CTNND2: variants seen among roughly 807,000 people sequenced by gnomAD.
The protein encoded by CTNND2 is catenin delta-2.
A neutral mutation model predicts 144.4 loss-of-function variants in CTNND2; 22 were observed. That is an observed-to-expected ratio of 0.15 (90% CI 0.11 to 0.22). CTNND2 has a LOEUF of 0.22. CTNND2 is among the 10% of genes least tolerant of loss of function. The pLI, the probability that CTNND2 is intolerant of heterozygous loss-of-function variation, is 1.00. For missense variants in CTNND2, 1,353 were observed against 1,618.8 expected (o/e 0.84, Z 2.82); for synonymous variants, 751 against 695.6 (o/e 1.08, Z -1.25).
At chr5:11,686,712 T>G (rs1422775491) in intron 2 of CTNND2, among the ~76,000 whole-genome samples, 1 of 150,326 alleles carries the variant, frequency 6.7e-6, no homozygotes, top group Non-Finnish European at 1.5e-5. Flanking sequence ...ATGGAAGTAA[T>G]GCATATATAA....
chr5:11,262,132 G>C (rs192278321), intron 9 of CTNND2, among the ~76,000 whole-genome samples: 1 of 152,240 alleles, frequency 6.6e-6, no homozygotes, highest in Admixed American at 6.5e-5. Flanking sequence ...AGTTGTTTAC[G>C]TGTAAGATCT....
intron 3 of CTNND2, among the ~76,000 whole-genome samples, chr5:11,527,658 C>T (rs1025895136): frequency 6.6e-6 from 1 of 152,232 alleles, no homozygotes; most frequent in Admixed American, 6.5e-5. Flanking sequence ...GATAGTTTCT[C>T]ACCAAGAGCT....
intron 9 of CTNND2, among the ~76,000 whole-genome samples, chr5:11,314,153 G>T (rs550682248): frequency 6.6e-6 from 1 of 152,256 alleles, no homozygotes; most frequent in South Asian, 2.1e-4. Flanking sequence ...TCAATCTTAG[G>T]AGGTAGGGTC....
At chr5:11,106,573 G>A (rs1470456985) in intron 14 of CTNND2, among the ~76,000 whole-genome samples, 3 of 152,200 alleles carry the variant, frequency 2.0e-5, no homozygotes, top group Non-Finnish European at 4.4e-5. Flanking sequence ...TCTTTGCAGG[G>A]AATGTACAGG....
At chr5:11,797,807 G>T (rs558518661) in intron 1 of CTNND2, among the ~76,000 whole-genome samples, 2 of 152,222 alleles carry the variant, frequency 1.3e-5, no homozygotes, top group East Asian at 1.9e-4. Flanking sequence ...TAGTATAGTT[G>T]CTTGACTTTA....
intron 15 of CTNND2, among the ~76,000 whole-genome samples, chr5:11,087,601 T>G (rs968850564): frequency 3.3e-5 from 5 of 152,254 alleles, no homozygotes; most frequent in African/African-American, 1.2e-4. Flanking sequence ...TTTACATAAC[T>G]TTGTTTTCAA....
At chr5:11,649,005 G>GA (rs1198517057) in intron 2 of CTNND2, among the ~76,000 whole-genome samples, 2 of 152,104 alleles carry the variant, frequency 1.3e-5, no homozygotes, top group East Asian at 1.9e-4. Context: ...ATCCCTTTCA[G>GA]AAAAAAACTA....
chr5:11,678,033 T>C (rs898131704), intron 2 of CTNND2, among the ~76,000 whole-genome samples: 10 of 152,074 alleles, frequency 6.6e-5, no homozygotes, highest in Non-Finnish European at 1.2e-4. Context: ...TTCCTGATAG[T>C]AGGAAAAATA....
At chr5:11,800,950 G>A (rs1029311773) in intron 1 of CTNND2, among the ~76,000 whole-genome samples, 2 of 152,164 alleles carry the variant, frequency 1.3e-5, no homozygotes, top group Non-Finnish European at 2.9e-5. Flanking sequence ...TTTCTAATGA[G>A]AAGGTACATA....
intron 15 of CTNND2, among the ~76,000 whole-genome samples, chr5:11,095,409 G>A (rs1008798208): frequency 6.6e-6 from 1 of 152,218 alleles, no homozygotes; most frequent in African/African-American, 2.4e-5. Context: ...ATCATAAAAT[G>A]TGACCATCTG....
At chr5:11,240,864 GCA>G (rs1286992638) in intron 9 of CTNND2, among the ~76,000 whole-genome samples, 30 of 88,310 alleles carry the variant, frequency 3.4e-4, no homozygotes, top group African/African-American at 1.1e-3. Flanking sequence ...CATACACTCA[GCA>G]CACACACCCC....
intron 8 of CTNND2, among the ~76,000 whole-genome samples, chr5:11,361,621 G>A (rs1199768225): frequency 6.6e-6 from 1 of 152,154 alleles, no homozygotes; most frequent in Non-Finnish European, 1.5e-5. Flanking sequence ...CAAAGCATTT[G>A]GCACACTCCC....
At chr5:11,346,029 A>G (rs1283169073) in intron 9 of CTNND2, among the ~76,000 whole-genome samples, 2 of 152,204 alleles carry the variant, frequency 1.3e-5, no homozygotes, top group East Asian at 3.9e-4. Context: ...CACTGAGACA[A>G]TAAAATATGT....
intron 2 of CTNND2, among the ~76,000 whole-genome samples, chr5:11,714,280 T>C (rs982467751): frequency 1.1e-4 from 17 of 152,148 alleles, no homozygotes; most frequent in African/African-American, 3.4e-4. Context: ...CCTCTTTAAA[T>C]GTTTTTATTT....
chr5:11,485,814 A>C (rs1014028867), intron 3 of CTNND2, among the ~76,000 whole-genome samples: 1 of 152,190 alleles, frequency 6.6e-6, no homozygotes, highest in Non-Finnish European at 1.5e-5. Flanking sequence ...AAAACGTATA[A>C]GGCCATTATT....
chr5:11,662,961 G>A (rs1459277335), intron 2 of CTNND2, among the ~76,000 whole-genome samples: 1 of 152,186 alleles, frequency 6.6e-6, no homozygotes, highest in African/African-American at 2.4e-5. Context: ...ACTTGAGAAG[G>A]AGCACATCAG....
chr5:11,804,017 G>A (rs995629547), intron 1 of CTNND2, among the ~76,000 whole-genome samples: 3 of 152,106 alleles, frequency 2.0e-5, no homozygotes, highest in Non-Finnish European at 2.9e-5. Flanking sequence ...GGACTCCTAT[G>A]AGTTCTGTAC....
chr5:11,159,331 T>TC (rs1758532684), intron 12 of CTNND2, among the ~76,000 whole-genome samples: 2 of 152,212 alleles, frequency 1.3e-5, no homozygotes, highest in Admixed American at 6.5e-5. Flanking sequence ...TGTTTGTTTT[T>TC]CACCTTAGAC....
chr5:11,331,527 A>C (rs974280743), intron 9 of CTNND2, among the ~76,000 whole-genome samples: 2 of 152,170 alleles, frequency 1.3e-5, no homozygotes, highest in Non-Finnish European at 2.9e-5. Flanking sequence ...ATCTATTTTT[A>C]AGTTTATGTA....
Sources: allele counts gnomAD v4.1 joint callset (sites outside exome capture counted in the v4.1 genomes callset), GRCh38; gene constraint gnomAD v4.1.1; transcripts MANE v1.5; gene names NCBI Gene and HGNC (gene_info 2026-07-23, HGNC 2026-07-21).